Variants in ASB4 observed in about 807,000 individuals in gnomAD.
ASB4 encodes the protein ankyrin repeat and SOCS box protein 4.
In ASB4, 35 loss-of-function variants were observed where a neutral mutation model predicts 38.6. That is an observed-to-expected ratio of 0.91 (90% CI 0.69 to 1.20). The LOEUF is 1.20. ASB4 is among the 50% of genes most tolerant of loss of function. ASB4 has a pLI of 0.00. For synonymous variants in ASB4, 195 were observed against 201.3 expected (o/e 0.97, Z 0.26); for missense variants, 557 against 527.2 (o/e 1.06, Z -0.55).
chr7:95,524,251 G>C (rs551902451), intron 2 of ASB4, among the ~76,000 whole-genome samples: 5 of 152,196 alleles, frequency 3.3e-5, no homozygotes, highest in Non-Finnish European at 5.9e-5. Flanking sequence ...CAGTTGAATG[G>C]ATAAATTGTG....
At chr7:95,509,047 C>T (rs1301558753) in intron 2 of ASB4, among the ~76,000 whole-genome samples, 2 of 152,086 alleles carry the variant, frequency 1.3e-5, no homozygotes, top group African/African-American at 2.4e-5. Context: ...GATTCAGAAA[C>T]GGGGAGACCA....
At chr7:95,515,232 T>TC (rs1562817067) in intron 2 of ASB4, among the ~76,000 whole-genome samples, 18 of 94,100 alleles carry the variant, frequency 1.9e-4, no homozygotes, top group African/African-American at 8.1e-4. Flanking sequence ...TTTCTTTCTT[T>TC]TTCTTTCTTT....
the ASB4 span, among the ~76,000 whole-genome samples, chr7:95,550,669 A>C: frequency 6.6e-6 from 1 of 152,194 alleles, no homozygotes; most frequent in Non-Finnish European, 1.5e-5. Flanking sequence ...TCAGAGACTC[A>C]GGCCGTGGAT....
chr7:95,507,792 G>A (rs937578746), intron 2 of ASB4, among the ~76,000 whole-genome samples: 25 of 152,268 alleles, frequency 1.6e-4, no homozygotes, highest in South Asian at 2.1e-4. Context: ...CCCATATGAA[G>A]AGAGTATGTC....
chr7:95,476,525 G>A (rs1483816385), upstream of ASB4, among the ~76,000 whole-genome samples: 1 of 152,162 alleles, frequency 6.6e-6, no homozygotes, highest in Non-Finnish European at 1.5e-5. Flanking sequence ...CAATCAAGGG[G>A]CAGCTACAGA....
chr7:95,528,062 A>G lies in ASB4; in HGVS notation c.737A>G (p.Asn246Ser). 6.2e-7 allele frequency: 1 copy of G among 1,614,192 alleles called. No individual in the cohort carries two copies. The highest frequency in any genetic ancestry group is 8.5e-7 in the Non-Finnish European group (1 of 1,180,038). Reference protein sequence around the residue: ...RMLLDYKAEVNARDDDFKSPL... With the variant: ...RMLLDYKAEVSARDDDFKSPL... ...CTGCTTGACTACAAAGCCGAAGTCA[A>G]TGCCCGAGATGACGACTTTAAATCT... Residue 246 changes from asparagine to serine, a missense_variant, in exon 3 of 5, where the codon AAT (asparagine) becomes AGT (serine). Asn to Ser is a conservative substitution (Grantham distance 46, BLOSUM62 1). Transcript: ENST00000325885.
intron 3 of ASB4, among the ~76,000 whole-genome samples, chr7:95,530,837 G>T (rs910135353): frequency 3.3e-5 from 5 of 152,126 alleles, no homozygotes; most frequent in African/African-American, 4.8e-5. Flanking sequence ...AACTCTGAGT[G>T]GGGGGCTGGC....
rs554052679 is a variant in ASB4 at position 95,479,279 on chromosome 7, A to T, written n.157+679A>T. ...AACACCACTTAGTATTTCTCAGGAA[A>T]AATTGTGATGTTCTATTAGTCCACT... On this transcript the variant is annotated intron_variant and non_coding_transcript_variant, in intron 1 of 1. Coordinates refer to the ASB4 transcript ENST00000257621. 4.8e-4 allele frequency among the ~76,000 whole-genome samples: 73 copies of T among 152,336 alleles called. No individual in the cohort carries two copies. The Middle Eastern group carries it at 0.01, about 21-fold the overall frequency.
At chr7:95,489,048 T>C (rs924408803) in intron 1 of ASB4, among the ~76,000 whole-genome samples, 2 of 152,236 alleles carry the variant, frequency 1.3e-5, no homozygotes, top group African/African-American at 2.4e-5. Context: ...ACAGCATTTT[T>C]ATAGGATTTA....
the ASB4 span, among the ~76,000 whole-genome samples, chr7:95,545,445 A>G: frequency 1.3e-5 from 2 of 152,142 alleles, no homozygotes; most frequent in African/African-American, 2.4e-5. Flanking sequence ...ACAACATTGC[A>G]GTTAGTTTCT....
chr7:95,497,435 A>G (rs1443063117), intron 2 of ASB4, among the ~76,000 whole-genome samples: 2 of 152,182 alleles, frequency 1.3e-5, no homozygotes, highest in Non-Finnish European at 2.9e-5. Flanking sequence ...GGAAGTCCCA[A>G]GTATCATTGC....
Position 95,527,819 on chromosome 7 carries a change from A to T in ASB4, c.494A>T (p.Asn165Ile). ...CAKQLVWRGA[N>I]VNMKTNNQDE... is the part of the protein sequence containing the mutation. ...CCTCAATTTCCCTTTATAGGGGCGA[A>T]TGTGAACATGAAGACCAACAACCAA... The change falls in exon 3 of 5, where the codon AAT becomes ATT. Residue 165 changes from asparagine (N) to isoleucine (I), a missense_variant. By Grantham distance (149) the Asn-to-Ile change is moderately radical. Coordinates refer to ENST00000325885, the MANE Select transcript of ASB4 (RefSeq NM_016116.3). 6.3e-7 allele frequency: 1 copy of T among 1,597,380 alleles called. No individual in the cohort carries two copies. The highest frequency in any genetic ancestry group is 8.6e-7 in the Non-Finnish European group (1 of 1,166,994).
chr7:95,487,345 A>G (rs1389462361), intron 1 of ASB4, among the ~76,000 whole-genome samples: 2 of 152,230 alleles, frequency 1.3e-5, no homozygotes, highest in African/African-American at 2.4e-5. Context: ...TTTGTATACT[A>G]TATAATCAGA....
chr7:95,544,598 C>G (rs1791009476), downstream of ASB4: 1 of 152,180 alleles, frequency 6.6e-6, no homozygotes, highest in African/African-American at 2.4e-5. Context: ...GAACTTGGGT[C>G]AGTTTCTTAA....
At chr7:95,521,079 A>G (rs1790655879) in intron 2 of ASB4, among the ~76,000 whole-genome samples, 8 of 152,176 alleles carry the variant, frequency 5.3e-5, no homozygotes, top group Admixed American at 5.2e-4. Flanking sequence ...CATCTTTACA[A>G]TAATGAGTCT....
upstream of ASB4, among the ~76,000 whole-genome samples, chr7:95,477,158 A>T (rs563953589): frequency 1.4e-4 from 22 of 151,900 alleles, no homozygotes; most frequent in Non-Finnish European, 2.5e-4. Context: ...TCATTTATCG[A>T]GGAACACTGC....
chr7:95,515,044 G>C (rs1790535122), intron 2 of ASB4, among the ~76,000 whole-genome samples: 1 of 152,190 alleles, frequency 6.6e-6, no homozygotes, highest in Non-Finnish European at 1.5e-5. Flanking sequence ...TTTAACAACT[G>C]TGGTCCTCCA....
chr7:95,526,660 T>A (rs1790741198), intron 2 of ASB4, among the ~76,000 whole-genome samples: 3 of 152,312 alleles, frequency 2.0e-5, no homozygotes, highest in Admixed American at 6.5e-5. Flanking sequence ...AAAGGATTAC[T>A]TGGAAGGTTC....
chr7:95,487,931 A>C (rs1308031442), intron 1 of ASB4, among the ~76,000 whole-genome samples: 1 of 152,216 alleles, frequency 6.6e-6, no homozygotes, highest in Non-Finnish European at 1.5e-5. Context: ...GTCTGCACTC[A>C]TGTGTAGAAA....
Sources: allele counts gnomAD v4.1 joint callset (sites outside exome capture counted in the v4.1 genomes callset), GRCh38; gene constraint gnomAD v4.1.1; transcripts MANE v1.5; gene names NCBI Gene and HGNC (gene_info 2026-07-23, HGNC 2026-07-21).